The following NOTCH3 variants were observed in gnomAD, a reference collection of about 807,000 sequenced individuals.
NOTCH3 encodes notch receptor 3, also known as neurogenic locus notch homolog protein 3.
NOTCH3 carries 86 observed loss-of-function variants against 213.3 expected under a neutral mutation model. The ratio of observed to expected loss-of-function variants is 0.40; its 90% confidence interval spans 0.34 to 0.48. NOTCH3 has a LOEUF of 0.48. Ranked by LOEUF, NOTCH3 falls within the 20% of genes least tolerant of loss-of-function variation. The pLI, the probability that NOTCH3 is intolerant of heterozygous loss-of-function variation, is 0.57. For synonymous variants in NOTCH3, 1,354 were observed against 1,355.9 expected, an observed-to-expected ratio of 1.00 and a Z score of 0.03; for missense variants, 2,783 against 3,272.6, an observed-to-expected ratio of 0.85 and a Z score of 3.65.
intron 23 of NOTCH3, chr19:15,178,326 C>G (rs1310888363): frequency 3.8e-6 from 2 of 530,892 alleles, no homozygotes; most frequent in African/African-American, 3.9e-5. Context: ...CAGGAGGCCA[C>G]GCCCCCCAAT....
chr19:15,189,923 C>G (rs914554821), intron 6 of NOTCH3, among the ~76,000 whole-genome samples: 1 of 152,190 alleles, frequency 6.6e-6, no homozygotes, highest in Admixed American at 6.6e-5. Context: ...ATATACCCAC[C>G]ACCTAGATTC....
rs1330056812 is a variant in NOTCH3, at chr19:15,189,306, C to T, written c.1159G>A (p.Ala387Thr). The T allele has an allele frequency of 2.5e-6, 4 of 1,614,118 alleles. No homozygotes were observed. The highest frequency in any genetic ancestry group is 3.4e-6 in the Non-Finnish European group (4 of 1,180,032). The change falls in exon 7 of 33, where the codon GCA (alanine) becomes ACA (threonine). Residue 387 changes from alanine (A) to threonine (T), a missense_variant. By Grantham distance (58) the Ala-to-Thr change is moderately conservative. This residue lies in a region of NOTCH3 where 708 missense variants were observed against 906.6 expected (regional missense o/e 0.78). Coordinates refer to ENST00000263388, the MANE Select transcript of NOTCH3 (RefSeq NM_000435.3). ...CTCPPGFTGG[A>T]CDQDVDECSI... ...CACTCGTCCACATCCTGGTCACATG[C>T]CCCACCCGTGAAGCCGGGAGGACAG...
intron 10 of NOTCH3, among the ~76,000 whole-genome samples, chr19:15,187,617 G>T (rs1364669391): frequency 7.2e-5 from 11 of 152,054 alleles, no homozygotes. Context: ...CTCCACTGGA[G>T]ATGGGAGCAC....
intron 1 of NOTCH3, among the ~76,000 whole-genome samples, chr19:15,200,041 G>C (rs1441679994): frequency 1.1e-5 from 1 of 90,686 alleles, no homozygotes; most frequent in African/African-American, 4.6e-5. Context: ...GGGGAGGGAG[G>C]AGAGGAGGAG....
intron 2 of NOTCH3, among the ~76,000 whole-genome samples, chr19:15,196,611 A>C (rs1408542173): frequency 2.6e-5 from 4 of 152,184 alleles, no homozygotes; most frequent in African/African-American, 9.7e-5. Flanking sequence ...GATAGCATGA[A>C]AGGAGCCAAG....
At position 15,170,324 on chromosome 19, in the gene NOTCH3, T is replaced by C. The variant is rs777992169; in HGVS notation, c.5114+7A>G. ...AGTCAGGGACAGGGAGCGAGCAGGGTTCTCACTTCATGCCCAGCGCGTCCT... is the reference window on the plus strand; with the variant it reads ...AGTCAGGGACAGGGAGCGAGCAGGGCTCTCACTTCATGCCCAGCGCGTCCT... On this transcript the variant is annotated splice_region_variant and intron_variant, in intron 27 of 32. Transcript: ENST00000263388. 8 of 1,611,300 alleles carry C rather than the reference T, an allele frequency of 5.0e-6. No individual in the cohort carries two copies. The highest frequency in any genetic ancestry group is 1.6e-4 in the Middle Eastern group (1 of 6,074).
intron 2 of NOTCH3, among the ~76,000 whole-genome samples, chr19:15,195,666 C>T (rs1430197514): frequency 6.6e-6 from 1 of 151,806 alleles, no homozygotes; most frequent in Non-Finnish European, 1.5e-5. Flanking sequence ...GGGCACAGCT[C>T]CCGTCCCCTC....
At chr19:15,172,848 G>C in intron 25 of NOTCH3, among the ~76,000 whole-genome samples, 1 of 150,754 alleles carries the variant, frequency 6.6e-6, no homozygotes. Context: ...TGTATTTTTA[G>C]TAGAGACAGG....
At chr19:15,192,343 C>A (rs919769358) in intron 3 of NOTCH3, 34 bp downstream of exon 3, 1 of 1,612,684 alleles carries the variant, frequency 6.2e-7, no homozygotes, top group Non-Finnish European at 8.5e-7. Context: ...ACCACACCCC[C>A]GACTACCTCC....
In NOTCH3 at chr19:15,160,712, G is replaced by C. The variant is rs1453527180; in HGVS notation, c.6916C>G (p.Gln2306Glu). 1 of 1,614,218 alleles carries C rather than the reference G, an allele frequency of 6.2e-7. No individual in the cohort carries two copies. The highest frequency in any genetic ancestry group is 1.7e-5 in the Admixed American group (1 of 60,020). ...VPSSLAQAQTQLGPQPEVTPK... is the reference protein window; with the variant it reads ...VPSSLAQAQTELGPQPEVTPK... ...GTAACTTCCGGCTGGGGCCCCAGCT[G>C]GGTCTGGGCCTGAGCAAGGGAGCTG... The change falls in exon 33 of 33, where the codon CAG (glutamine) becomes GAG (glutamate). Residue 2306 changes from glutamine (Q) to glutamate (E), a missense_variant. Physicochemically the swap from Gln to Glu is conservative, Grantham distance 29. Around this residue, in one of 6 missense-constraint regions of NOTCH3, gnomAD observed 441 missense variants for 432.1 expected, o/e 1.02. Transcript: ENST00000263388.
chr19:15,175,362 C>T (rs543831682), intron 24 of NOTCH3, among the ~76,000 whole-genome samples: 4,577 of 142,196 alleles, frequency 0.032, 380 homozygotes, highest in African/African-American at 0.13. Context: ...GTGAAACCCC[C>T]GTCTCTACTA....
At chr19:15,186,796 G>A (rs2046885114) in intron 12 of NOTCH3, 82 bp downstream of exon 12, 2 of 1,117,544 alleles carry the variant, frequency 1.8e-6, no homozygotes, top group South Asian at 1.2e-5. Flanking sequence ...AGTCTGCAAA[G>A]ATACGGGCAA....
intron 23 of NOTCH3, chr19:15,178,350 C>T (rs2046809989): frequency 1.9e-6 from 1 of 523,662 alleles, no homozygotes; most frequent in East Asian, 3.3e-5. Context: ...CATCCTCACC[C>T]TTTTCCCTTC....
At chr19:15,163,217 T>C (rs1365930494) in intron 31 of NOTCH3, among the ~76,000 whole-genome samples, 9 of 152,240 alleles carry the variant, frequency 5.9e-5, no homozygotes, top group Admixed American at 3.9e-4. Flanking sequence ...CATGTGGTTC[T>C]TTAGATTTAA....
intron 28 of NOTCH3, among the ~76,000 whole-genome samples, chr19:15,169,525 A>G (rs766291564): frequency 8.6e-5 from 13 of 151,862 alleles, no homozygotes; most frequent in South Asian, 6.2e-4. Flanking sequence ...GCCCGCCACC[A>G]TGCCCAGCTA....
In NOTCH3 at chr19:15,199,712, C is replaced by A. The variant is rs1008912494; in HGVS notation, c.118+1076G>T. Among the ~76,000 whole-genome samples the A allele has an allele frequency of 1.1e-4, 17 of 152,328 alleles. No homozygotes were observed. The East Asian group carries it at 2.1e-3, about 19-fold the overall frequency. On this transcript the variant is annotated intron_variant, in intron 1 of 32. Transcript: ENST00000263388. ...TGTGTCACAGGCCATGTGTGTGCGC[C>A]GCTGGTCCGGCGGAGGCGGCGGCTC...
chr19:15,181,169 C>T lies in NOTCH3; in HGVS notation c.2793-7G>A. On this transcript the variant is annotated splice_region_variant and splice_polypyrimidine_tract_variant and intron_variant, in intron 17 of 32. Coordinates refer to ENST00000263388, the MANE Select transcript of NOTCH3 (RefSeq NM_000435.3). ...CCCGCCATTGAAGCAGGAGCTGGAG[C>T]GGAAGGAGTGGGAGGGAGGATCAGG... 2 of 1,609,808 alleles carry T rather than the reference C, an allele frequency of 1.2e-6. No homozygotes were observed. The highest frequency in any genetic ancestry group is 1.1e-5 in the South Asian group (1 of 90,250).
intron 1 of NOTCH3, among the ~76,000 whole-genome samples, chr19:15,200,215 C>T (rs988718208): frequency 1.2e-5 from 1 of 85,048 alleles, no homozygotes; most frequent in African/African-American, 4.5e-5. Flanking sequence ...GGGCTGCGGG[C>T]GGGGGAGGGG....
intron 10 of NOTCH3, 70 bp from the exon 11 acceptor site, chr19:15,187,408 A>C: frequency 7.2e-7 from 1 of 1,397,240 alleles, no homozygotes; most frequent in Non-Finnish European, 9.9e-7. Flanking sequence ...CCTCGGACCA[A>C]TCCTGGTTCA....
Sources: allele counts gnomAD v4.1 joint callset (sites outside exome capture counted in the v4.1 genomes callset), GRCh38; gene constraint gnomAD v4.1.1; regional missense constraint gnomAD v4.1.1; transcripts MANE v1.5; gene names NCBI Gene and HGNC (gene_info 2026-07-23, HGNC 2026-07-21).